Variants in ANO6 observed in about 807,000 individuals in gnomAD.
ANO6 encodes the protein anoctamin 6.
ANO6 carries 106 observed loss-of-function variants against 117.5 expected under a neutral mutation model. That is an observed-to-expected ratio of 0.90 (90% CI 0.77 to 1.06). The LOEUF is 1.06. Ranked by LOEUF, ANO6 falls within the 50% of genes least tolerant of loss-of-function variation. ANO6 has a pLI of 0.00. For missense variants in ANO6, 955 were observed against 1,121.1 expected (o/e 0.85, Z 2.12); for synonymous variants, 367 against 385.1 (o/e 0.95, Z 0.55).
chr12:45,395,522 G>T (rs928547158), intron 12 of ANO6, among the ~76,000 whole-genome samples: 2 of 152,146 alleles, frequency 1.3e-5, no homozygotes, highest in African/African-American at 2.4e-5. Context: ...ATCAAAGCCT[G>T]GCAGAGACAC....
chr12:45,347,225 A>C, intron 4 of ANO6, 138 bp downstream of exon 4: 1 of 791,696 alleles, frequency 1.3e-6, no homozygotes, highest in Admixed American at 2.0e-5. Context: ...GAGTCAATCA[A>C]AATCTGCATT....
chr12:45,423,208 CCTGAA>C, intron 19 of ANO6, 146 bp downstream of exon 19: 1 of 703,372 alleles, frequency 1.4e-6, no homozygotes, highest in Non-Finnish European at 2.5e-6. Flanking sequence ...TCAGTATTGA[CCTGAA>C]AATACTCAAC....
At chr12:45,438,211 C>A (rs906684397) in intron 19 of ANO6, among the ~76,000 whole-genome samples, 2 of 151,616 alleles carry the variant, frequency 1.3e-5, no homozygotes, top group African/African-American at 4.8e-5. Flanking sequence ...GCTGTGGTTT[C>A]TTTTGTGTAT....
At chr12:45,427,936 CAAA>C (rs35996135) in intron 19 of ANO6, among the ~76,000 whole-genome samples, 3 of 62,944 alleles carry the variant, frequency 4.8e-5, no homozygotes, top group Non-Finnish European at 7.1e-5. Context: ...GACTCTGCCT[CAAA>C]AAAAAAAAAA....
rs1036369357 is a variant in ANO6 at position 45,331,586 on chromosome 12, C to T, written c.279+163C>T. On this transcript the variant is annotated intron_variant, in intron 3 of 19. Transcript: ENST00000320560. ...GTTTTCTCAAAGCATATTAACAAAA[C>T]GTTTTTTAAATATGAATCAGAAACT... 1.3e-5 allele frequency among the ~76,000 whole-genome samples: 2 copies of T among 152,110 alleles called. 1 individual carries two copies. The highest frequency in any genetic ancestry group is 1.3e-4 in the Admixed American group (2 of 15,246).
intron 9 of ANO6, among the ~76,000 whole-genome samples, chr12:45,374,012 A>G (rs910291401): frequency 3.3e-4 from 51 of 152,302 alleles, no homozygotes; most frequent in African/African-American, 9.4e-4. Context: ...AAAAAATGAT[A>G]AAGGGGATAT....
intron 2 of ANO6, among the ~76,000 whole-genome samples, chr12:45,312,612 G>A (rs2137336029): frequency 6.6e-6 from 1 of 152,136 alleles, no homozygotes; most frequent in African/African-American, 2.4e-5. Context: ...ATAATAAAAA[G>A]TACATCTTTA....
rs1942807783 is a variant in ANO6, at chr12:45,402,134, T to G, written c.1612+114T>G. 5.7e-6 allele frequency: 5 copies of G among 881,528 alleles called. No individual in the cohort carries two copies. The Admixed American group carries it at 1.2e-4, about 22-fold the overall frequency. 54.6% of individuals were successfully genotyped at this position (881,528 alleles called of 1,614,324 possible). On this transcript the variant is annotated intron_variant, in intron 13 of 19. Coordinates refer to ENST00000320560, the MANE Select transcript of ANO6 (RefSeq NM_001025356.3). ...CCAGTAGGTTACAATTTTTAGAAAT[T>G]TTCAAGTGTAAACATATTTTCTCTA...
chr12:45,343,952 A>C (rs1233362481), intron 3 of ANO6, among the ~76,000 whole-genome samples: 2 of 152,134 alleles, frequency 1.3e-5, no homozygotes, highest in Non-Finnish European at 2.9e-5. Flanking sequence ...GGAGCCAGGT[A>C]GTCTGGTTGG....
intron 1 of ANO6, among the ~76,000 whole-genome samples, chr12:45,278,325 T>C (rs878872151): frequency 6.6e-6 from 1 of 152,244 alleles, no homozygotes; most frequent in Non-Finnish European, 1.5e-5. Context: ...AAAGGTGTTC[T>C]TTAATTCCTA....
intron 1 of ANO6, among the ~76,000 whole-genome samples, chr12:45,260,958 T>TTTTG (rs72026436): frequency 6.6e-6 from 1 of 151,700 alleles, no homozygotes; most frequent in Non-Finnish European, 1.5e-5. Flanking sequence ...CGGCTGTTTT[T>TTTTG]TTTGTTTGTT....
At chr12:45,374,801 G>A (rs1210951417) in intron 9 of ANO6, among the ~76,000 whole-genome samples, 1 of 152,100 alleles carries the variant, frequency 6.6e-6, no homozygotes, top group Non-Finnish European at 1.5e-5. Flanking sequence ...CACAAGACAG[G>A]GATGCCCTGT....
chr12:45,328,935 T>C (rs545395258), intron 2 of ANO6, among the ~76,000 whole-genome samples: 1 of 152,254 alleles, frequency 6.6e-6, no homozygotes, highest in Admixed American at 6.5e-5. Context: ...TAAACCTTTC[T>C]TGCATCCTGC....
chr12:45,406,899 A>G (rs970336033), intron 15 of ANO6, among the ~76,000 whole-genome samples: 3 of 152,202 alleles, frequency 2.0e-5, no homozygotes, highest in African/African-American at 7.2e-5. Context: ...AGTGCTTCTC[A>G]CCATGTTTTG....
At chr12:45,347,298 T>A (rs1941160798) in intron 4 of ANO6, 1 of 554,792 alleles carries the variant, frequency 1.8e-6, no homozygotes. Flanking sequence ...GCCAACGAAT[T>A]TTACAATGAA....
intron 2 of ANO6, among the ~76,000 whole-genome samples, chr12:45,322,301 T>TAAGGAG: frequency 1.3e-5 from 2 of 150,572 alleles, no homozygotes; most frequent in African/African-American, 2.4e-5. Context: ...GGATAGGTGG[T>TAAGGAG]TAGGAGAGCA....
chr12:45,255,438 G>A (rs1294437683), intron 1 of ANO6, among the ~76,000 whole-genome samples: 1 of 152,174 alleles, frequency 6.6e-6, no homozygotes, highest in Non-Finnish European at 1.5e-5. Flanking sequence ...GGGAGGCAGA[G>A]GTGGCAGCTG....
intron 1 of ANO6, among the ~76,000 whole-genome samples, chr12:45,277,603 T>G (rs1233776393): frequency 6.6e-6 from 1 of 152,260 alleles, no homozygotes; most frequent in Admixed American, 6.5e-5. Flanking sequence ...CAGTGTCTTA[T>G]GTAGAAAGGG....
intron 4 of ANO6, 63 bp from the exon 5 acceptor site, chr12:45,347,965 A>C (rs765057629): frequency 6.7e-7 from 1 of 1,499,330 alleles, no homozygotes; most frequent in South Asian, 1.1e-5. Flanking sequence ...AGAAAAATCT[A>C]TGTGTTTTAA....
Sources: gnomAD v4.1 joint callset for allele counts (sites outside exome capture counted in the v4.1 genomes callset) on GRCh38, gnomAD v4.1.1 for gene constraint, MANE v1.5 for transcripts, NCBI Gene and HGNC (gene_info 2026-07-23, HGNC 2026-07-21) for gene names.